The following HPSE2 variants were observed in gnomAD, a reference collection of about 807,000 sequenced individuals.
HPSE2 encodes inactive heparanase-2.
Under a neutral mutation model 60.5 loss-of-function variants are expected in HPSE2, and 38 were observed. The ratio of observed to expected loss-of-function variants is 0.63; its 90% CI spans 0.48 to 0.82. The LOEUF is 0.82. Ranked by LOEUF, HPSE2 falls within the 40% of genes least tolerant of loss-of-function variation. HPSE2 has a pLI of 0.00. For synonymous variants in HPSE2, 295 were observed against 293.2 expected (o/e 1.01, Z -0.06); for missense variants, 713 against 740.4 (o/e 0.96, Z 0.43).
the HPSE2 span, among the ~76,000 whole-genome samples, chr10:99,312,008 C>T: frequency 6.6e-6 from 1 of 152,166 alleles, no homozygotes; most frequent in Non-Finnish European, 1.5e-5. Flanking sequence ...AAGCCTAATC[C>T]AGAGCAAGGC....
the HPSE2 span, among the ~76,000 whole-genome samples, chr10:99,268,530 C>T: frequency 6.6e-6 from 1 of 151,240 alleles, no homozygotes; most frequent in African/African-American, 2.4e-5. Context: ...CCTATAATCC[C>T]AGCTACCTGG....
At chr10:98,569,802 C>CT (rs1944445222) in intron 9 of HPSE2, among the ~76,000 whole-genome samples, 1 of 152,162 alleles carries the variant, frequency 6.6e-6, no homozygotes, top group Admixed American at 6.5e-5. Context: ...CCAGAAGTCT[C>CT]TTTTTTACCT....
At chr10:98,712,595 T>C (rs1282627979) in intron 5 of HPSE2, among the ~76,000 whole-genome samples, 1 of 152,132 alleles carries the variant, frequency 6.6e-6, no homozygotes. Context: ...ATGGCAATTT[T>C]TCTATTTGTG....
intron 3 of HPSE2, among the ~76,000 whole-genome samples, chr10:98,901,643 A>G (rs570104066): frequency 2.0e-5 from 3 of 152,270 alleles, no homozygotes; most frequent in Non-Finnish European, 4.4e-5. Context: ...TATAATCTTT[A>G]TTGACAGCCT....
chr10:98,748,445 CAAAT>C (rs767923014), intron 3 of HPSE2, among the ~76,000 whole-genome samples: 25 of 152,234 alleles, frequency 1.6e-4, no homozygotes, highest in African/African-American at 5.8e-4. Flanking sequence ...TCCATCAAAA[CAAAT>C]AGATACTTAA....
At chr10:99,243,530 C>CTATG in the HPSE2 span, among the ~76,000 whole-genome samples, 3 of 152,052 alleles carry the variant, frequency 2.0e-5, no homozygotes. Context: ...GCTTCATTAA[C>CTATG]TATGTATGTA....
At chr10:99,247,166 T>A in the HPSE2 span, among the ~76,000 whole-genome samples, 1 of 152,220 alleles carries the variant, frequency 6.6e-6, no homozygotes, top group Non-Finnish European at 1.5e-5. Context: ...TGTCACAGAA[T>A]GCTATACAGT....
In HPSE2 at chr10:99,089,274, G is replaced by A. The variant is rs148948887; in HGVS notation, c.610+54964C>T. Among the ~76,000 whole-genome samples, 682 of 152,192 alleles carry A rather than the reference G, an allele frequency of 4.5e-3. 4 individuals are homozygous for A. The highest frequency in any genetic ancestry group is 0.015 in the African/African-American group (611 of 41,568). On this transcript the variant is annotated intron_variant, in intron 3 of 11. Coordinates refer to ENST00000370552, the MANE Select transcript of HPSE2 (RefSeq NM_021828.5). ...AGCCAATGTCTAGAAGGGTTTTTCC[G>A]ATGTTATCTTCTAGAATCTTTATGG...
At chr10:98,782,952 T>TTTTA (rs1565160482) in intron 3 of HPSE2, among the ~76,000 whole-genome samples, 1 of 138,010 alleles carries the variant, frequency 7.2e-6, no homozygotes, top group Non-Finnish European at 1.6e-5. Context: ...TTTTTTTTTT[T>TTTTA]ATTATACTCT....
At chr10:98,818,573 T>G (rs746207505) in intron 3 of HPSE2, among the ~76,000 whole-genome samples, 1 of 152,102 alleles carries the variant, frequency 6.6e-6, no homozygotes, top group Non-Finnish European at 1.5e-5. Context: ...GGATCCCTGC[T>G]CTAACAGGCC....
intron 3 of HPSE2, among the ~76,000 whole-genome samples, chr10:98,916,152 C>A (rs946239127): frequency 1.3e-5 from 2 of 152,146 alleles, no homozygotes; most frequent in African/African-American, 4.8e-5. Flanking sequence ...GCTGTGATAA[C>A]CATCCAGGTT....
At chr10:99,276,769 G>T in the HPSE2 span, among the ~76,000 whole-genome samples, 17 of 152,182 alleles carry the variant, frequency 1.1e-4, no homozygotes, top group African/African-American at 3.9e-4. Context: ...AGCCACAGGG[G>T]TGCCATTTAG....
At chr10:98,862,185 C>T (rs1028143921) in intron 3 of HPSE2, among the ~76,000 whole-genome samples, 2 of 152,086 alleles carry the variant, frequency 1.3e-5, no homozygotes, top group Non-Finnish European at 2.9e-5. Context: ...CAATCTTGAG[C>T]CTCAGGGGCA....
At chr10:99,120,103 T>C (rs1025509314) in intron 3 of HPSE2, among the ~76,000 whole-genome samples, 3 of 152,140 alleles carry the variant, frequency 2.0e-5, no homozygotes, top group Non-Finnish European at 4.4e-5. Context: ...CAGGATCTAA[T>C]TAAACTAAAG....
intron 2 of HPSE2, among the ~76,000 whole-genome samples, chr10:99,161,651 A>G (rs1436832289): frequency 1.3e-5 from 2 of 152,192 alleles, no homozygotes; most frequent in African/African-American, 4.8e-5. Context: ...TAAACTACAT[A>G]CTTGTAATGG....
chr10:99,211,604 A>G (rs1204742550), intron 2 of HPSE2, among the ~76,000 whole-genome samples: 1 of 152,210 alleles, frequency 6.6e-6, no homozygotes. Context: ...AGAACAGGCA[A>G]TAGGGAAAAG....
intron 3 of HPSE2, among the ~76,000 whole-genome samples, chr10:98,939,034 C>T (rs1195361842): frequency 2.1e-5 from 3 of 143,866 alleles, no homozygotes; most frequent in Admixed American, 2.1e-4. Context: ...CAAGCAAATG[C>T]TGAGAGATTT....
At chr10:99,102,063 C>T (rs1044888896) in intron 3 of HPSE2, among the ~76,000 whole-genome samples, 2 of 151,968 alleles carry the variant, frequency 1.3e-5, no homozygotes, top group Non-Finnish European at 2.9e-5. Flanking sequence ...CCTAACATCA[C>T]AATTAGAACT....
intron 3 of HPSE2, among the ~76,000 whole-genome samples, chr10:98,850,684 C>T (rs560247561): frequency 4.3e-4 from 58 of 134,064 alleles, no homozygotes; most frequent in Non-Finnish European, 6.7e-4. Context: ...TTGCAGTGAG[C>T]GGAGATCGCG....
Sources: gnomAD v4.1 joint callset for allele counts (sites outside exome capture counted in the v4.1 genomes callset) on GRCh38, gnomAD v4.1.1 for gene constraint, MANE v1.5 for transcripts, NCBI Gene and HGNC (gene_info 2026-07-23, HGNC 2026-07-21) for gene names.